The following NAALADL2 variants were observed in gnomAD, a reference collection of about 807,000 sequenced individuals.
NAALADL2 encodes the protein inactive N-acetylated-alpha-linked acidic dipeptidase-like protein 2.
NAALADL2 carries 76 observed loss-of-function variants against 87.2 expected under a neutral mutation model. The observed-to-expected ratio is 0.87, with a 90% CI of 0.72 to 1.05. The LOEUF is 1.05. NAALADL2 is among the 50% of genes least tolerant of loss of function. NAALADL2 has a pLI of 0.00. For synonymous variants in NAALADL2, 354 were observed against 331.0 expected, an observed-to-expected ratio of 1.07 and a Z score of -0.75; for missense variants, 1,089 against 945.8, an observed-to-expected ratio of 1.15 and a Z score of -1.99.
chr3:175,233,198 CTG>C (rs1246222493), intron 2 of NAALADL2, among the ~76,000 whole-genome samples: 9 of 152,156 alleles, frequency 5.9e-5, no homozygotes, highest in African/African-American at 1.9e-4. Flanking sequence ...ACAGCTCTCT[CTG>C]TATTATTTTA....
intron 3 of NAALADL2, among the ~76,000 whole-genome samples, chr3:175,241,588 T>A (rs1560216027): frequency 6.6e-6 from 1 of 152,200 alleles, no homozygotes; most frequent in African/African-American, 2.4e-5. Context: ...TAAGAAGATA[T>A]ATATTTTCCC....
chr3:174,776,964 C>T (rs1715290092), intron 3 of NAALADL2, among the ~76,000 whole-genome samples: 1 of 152,038 alleles, frequency 6.6e-6, no homozygotes, highest in African/African-American at 2.4e-5. Flanking sequence ...AAATCAATGG[C>T]AACAGCATTG....
intron 3 of NAALADL2, among the ~76,000 whole-genome samples, chr3:174,741,393 TTAAA>T (rs756646272): frequency 4.3e-4 from 65 of 151,794 alleles, no homozygotes; most frequent in Admixed American, 1.6e-3. Flanking sequence ...CATAATGCAC[TTAAA>T]TAATATAAAA....
chr3:175,552,808 T>C (rs922657998), intron 9 of NAALADL2, among the ~76,000 whole-genome samples: 5 of 152,152 alleles, frequency 3.3e-5, no homozygotes, highest in African/African-American at 1.2e-4. Flanking sequence ...AGTATATACC[T>C]ATGATATGCC....
At chr3:175,212,532 T>C (rs558238414) in intron 2 of NAALADL2, among the ~76,000 whole-genome samples, 45 of 151,654 alleles carry the variant, frequency 3.0e-4, no homozygotes, top group African/African-American at 1.1e-3. Context: ...GGAAAGACCA[T>C]GAATCATAAA....
intron 1 of NAALADL2, among the ~76,000 whole-genome samples, chr3:174,964,182 T>A (rs1742544124): frequency 6.6e-6 from 1 of 152,152 alleles, no homozygotes; most frequent in Non-Finnish European, 1.5e-5. Context: ...CTTATTTGCC[T>A]GGCACCATTT....
At chr3:174,804,923 A>G (rs1159633847) in intron 3 of NAALADL2, among the ~76,000 whole-genome samples, 2 of 152,162 alleles carry the variant, frequency 1.3e-5, no homozygotes, top group African/African-American at 4.8e-5. Context: ...CTAATTATCA[A>G]TAAGAGAGGT....
chr3:175,210,056 T>C (rs1481719472), intron 2 of NAALADL2, among the ~76,000 whole-genome samples: 1 of 151,710 alleles, frequency 6.6e-6, no homozygotes, highest in Non-Finnish European at 1.5e-5. Context: ...AAAATTGCAA[T>C]ACGCATAACA....
intron 2 of NAALADL2, among the ~76,000 whole-genome samples, chr3:174,728,683 T>G (rs1412495582): frequency 6.6e-6 from 1 of 152,046 alleles, no homozygotes; most frequent in Non-Finnish European, 1.5e-5. Flanking sequence ...GAAATAAGCC[T>G]AAAGTTTAAC....
At chr3:175,281,683 A>T (rs1181961938) in intron 4 of NAALADL2, among the ~76,000 whole-genome samples, 1 of 151,920 alleles carries the variant, frequency 6.6e-6, no homozygotes, top group African/African-American at 2.4e-5. Context: ...TTTTTCTAGA[A>T]TTTGAGTTTT....
chr3:175,442,329 G>A (rs931512248), intron 5 of NAALADL2, among the ~76,000 whole-genome samples: 2 of 152,032 alleles, frequency 1.3e-5, no homozygotes, highest in African/African-American at 4.8e-5. Flanking sequence ...TACTAACAGA[G>A]CATATTTTCT....
At chr3:175,462,315 C>T (rs766314005) in intron 6 of NAALADL2, among the ~76,000 whole-genome samples, 4 of 152,122 alleles carry the variant, frequency 2.6e-5, no homozygotes, top group Non-Finnish European at 5.9e-5. Flanking sequence ...AATGCTCAGA[C>T]TCTACGTAGA....
chr3:174,506,097 A>G (rs866269320), intron 1 of NAALADL2, among the ~76,000 whole-genome samples: 13 of 152,206 alleles, frequency 8.5e-5, no homozygotes, highest in Middle Eastern at 6.8e-3. Flanking sequence ...GATTTTTTTC[A>G]ATAAGTTTAC....
At chr3:175,341,379 C>A (rs1253295758) in intron 5 of NAALADL2, among the ~76,000 whole-genome samples, 1 of 152,042 alleles carries the variant, frequency 6.6e-6, no homozygotes, top group African/African-American at 2.4e-5. Flanking sequence ...GTTGATACAC[C>A]ACGTATTGTT....
rs549070149 is a variant in NAALADL2, at chr3:175,078,410, T to A, written c.44-18380T>A. ...CAATAATAAGAGTATGTAATAATTT[T>A]AAAAAATTATTTAGATATAAATTAA... On this transcript the variant is annotated intron_variant, in intron 1 of 13. Coordinates refer to ENST00000454872, the MANE Select transcript of NAALADL2 (RefSeq NM_207015.3). Among the ~76,000 whole-genome samples the A allele has an allele frequency of 3.2e-3, 482 of 152,286 alleles. 2 individuals carry two copies. Among genetic ancestry groups the A allele is most frequent in the African/African-American group, 0.011 (458 of 41,546 alleles).
chr3:174,447,740 G>GGA (rs897633019), intron 1 of NAALADL2, among the ~76,000 whole-genome samples: 40 of 151,314 alleles, frequency 2.6e-4, no homozygotes, highest in African/African-American at 9.7e-4. Flanking sequence ...GCGTGAACCT[G>GGA]GAAGGCGGAG....
intron 9 of NAALADL2, among the ~76,000 whole-genome samples, chr3:175,555,609 G>A (rs1715142057): frequency 6.6e-6 from 1 of 152,014 alleles, no homozygotes; most frequent in African/African-American, 2.4e-5. Context: ...GTTTTCTAAA[G>A]CATGTCATAC....
chr3:174,559,619 C>G (rs564543741), intron 2 of NAALADL2, among the ~76,000 whole-genome samples: 1 of 152,308 alleles, frequency 6.6e-6, no homozygotes, highest in South Asian at 2.1e-4. Flanking sequence ...GTTCTGGAGG[C>G]TAGAAGTCTG....
At chr3:174,822,274 G>C (rs557855724) in intron 3 of NAALADL2, among the ~76,000 whole-genome samples, 13 of 152,032 alleles carry the variant, frequency 8.6e-5, no homozygotes, top group Non-Finnish European at 1.9e-4. Context: ...TGATAAACCC[G>C]ACGGCCCCTG....
Sources: allele counts gnomAD v4.1 joint callset (sites outside exome capture counted in the v4.1 genomes callset), GRCh38; gene constraint gnomAD v4.1.1; transcripts MANE v1.5; gene names NCBI Gene and HGNC (gene_info 2026-07-23, HGNC 2026-07-21).